ZMAT3: variants seen among roughly 807,000 people sequenced by gnomAD.
ZMAT3 encodes the protein zinc finger matrin-type protein 3.
Under a neutral mutation model 32.3 loss-of-function variants are expected in ZMAT3, and 17 were observed. The ratio of observed to expected loss-of-function variants is 0.53; its 90% CI spans 0.36 to 0.79. The LOEUF (loss-of-function observed/expected upper bound fraction) is 0.79, where lower values mean the gene tolerates loss of function less well. ZMAT3 is among the 30% of genes least tolerant of loss of function. ZMAT3 has a pLI of 0.00. For missense variants in ZMAT3, 329 were observed against 359.7 expected, an observed-to-expected ratio of 0.91 and a Z score of 0.69; for synonymous variants, 120 against 133.1, an observed-to-expected ratio of 0.90 and a Z score of 0.68.
chr3:179,045,165 A>G (rs886878388), intron 2 of ZMAT3, among the ~76,000 whole-genome samples: 9 of 152,194 alleles, frequency 5.9e-5, no homozygotes, highest in African/African-American at 2.2e-4. Context: ...GAATCCAAAA[A>G]TAAGATTGAG....
chr3:179,052,761 A>G (rs1393607298), intron 2 of ZMAT3, among the ~76,000 whole-genome samples: 2 of 152,220 alleles, frequency 1.3e-5, no homozygotes, highest in African/African-American at 4.8e-5. Context: ...GTGTGGATAA[A>G]GAAAATGTGG....
rs751562461 is a variant in ZMAT3 at position 179,030,900 on chromosome 3, C to T, written c.370G>A (p.Val124Ile). The change falls in exon 3 of 6, where the codon GTT (valine) becomes ATT (isoleucine). Residue 124 changes from valine (V) to isoleucine (I), a missense_variant. By Grantham distance (29) the Val-to-Ile change is conservative. Coordinates refer to ENST00000311417, the MANE Select transcript of ZMAT3 (RefSeq NM_022470.4). ...CTCACCTGCGGAGGGACTGGAACAA[C>T]TGGAGTAGCTGCAGGCTCGACCACA... is the stretch of plus-strand genomic sequence containing the variant. ...SNVVEPAATP[V>I]VPVPPQMGSF... 8.1e-6 allele frequency: 13 copies of T among 1,613,596 alleles called. No individual in the cohort carries two copies. Among genetic ancestry groups the T allele is most frequent in the Non-Finnish European group, 1.0e-5 (12 of 1,179,796 alleles).
intron 2 of ZMAT3, among the ~76,000 whole-genome samples, chr3:179,060,439 C>T (rs556935331): frequency 9.3e-5 from 14 of 151,278 alleles, no homozygotes; most frequent in South Asian, 2.1e-4. Context: ...GTCAGGAGTT[C>T]GACACCAGCC....
At chr3:179,066,561 ACT>A (rs1297920135) in intron 2 of ZMAT3, among the ~76,000 whole-genome samples, 2 of 152,106 alleles carry the variant, frequency 1.3e-5, no homozygotes, top group African/African-American at 4.8e-5. Flanking sequence ...CTTCTACCAT[ACT>A]CTCTTATTAC....
At chr3:179,067,425 A>C in intron 2 of ZMAT3, 58 bp downstream of exon 2, 1 of 1,574,568 alleles carries the variant, frequency 6.4e-7, no homozygotes. Flanking sequence ...ACTGCTAAAT[A>C]GCCAGAGCCC....
At chr3:179,054,940 C>T (rs371822452) in intron 2 of ZMAT3, among the ~76,000 whole-genome samples, 2 of 152,290 alleles carry the variant, frequency 1.3e-5, no homozygotes, top group Admixed American at 1.3e-4. Context: ...CCATGACCCA[C>T]GGCTTCTAAT....
chr3:179,031,134 T>C, intron 2 of ZMAT3, 135 bp from the exon 3 acceptor site: 1 of 690,266 alleles, frequency 1.4e-6, no homozygotes, highest in South Asian at 3.1e-5. Context: ...ATAATTTCCA[T>C]GACAGTATAT....
intron 2 of ZMAT3, among the ~76,000 whole-genome samples, chr3:179,049,984 T>C: frequency 1.2e-5 from 1 of 82,286 alleles, no homozygotes; most frequent in African/African-American, 5.2e-5. Flanking sequence ...AGAGCAAGAC[T>C]CCGTCTCAAA....
At position 179,067,704 on chromosome 3, in the gene ZMAT3, G is replaced by T. The variant is rs1472162988; in HGVS notation, c.49C>A (p.Pro17Thr). 6.2e-7 allele frequency: 1 copy of T among 1,614,180 alleles called. No homozygotes were observed. ...AVLPPPKQPS[P>T]SPPMSVATRS... is the part of the protein sequence containing the mutation. ...GTGGCCACTGACATAGGAGGCGAGG[G>T]TGAGGGCTGCTTAGGTGGAGGAAGC... The change falls in exon 2 of 6, where the codon CCC (proline) becomes ACC (threonine). Residue 17 changes from proline (P) to threonine (T), a missense_variant. Coordinates refer to ENST00000311417, the MANE Select transcript of ZMAT3 (RefSeq NM_022470.4).
At chr3:179,030,653 CTATT>C (rs570469335) in intron 3 of ZMAT3, among the ~76,000 whole-genome samples, 2 of 152,232 alleles carry the variant, frequency 1.3e-5, no homozygotes, top group Admixed American at 1.3e-4. Flanking sequence ...CGCACCTGGC[CTATT>C]TAGCCCAGAA....
intron 3 of ZMAT3, among the ~76,000 whole-genome samples, chr3:179,030,399 G>A (rs926120573): frequency 6.9e-6 from 1 of 145,518 alleles, no homozygotes. Context: ...CTGTTGCCCA[G>A]GCTGGAGTGC....
In ZMAT3 at chr3:179,046,691, G is replaced by T. The variant is rs542200792; in HGVS notation, c.271-15692C>A. Reference sequence around the variant, plus strand: ...AGTGGGAGGAAGACCAGCCTTTAGGGCTGGGGGATGCATGGGAGCTGGGTG... The same window carrying T: ...AGTGGGAGGAAGACCAGCCTTTAGGTCTGGGGGATGCATGGGAGCTGGGTG... On this transcript the variant is annotated intron_variant, in intron 2 of 5. Coordinates refer to ENST00000311417, the MANE Select transcript of ZMAT3 (RefSeq NM_022470.4). The surrounding 1 kb of genome is among the most constrained non-coding windows in gnomAD (Gnocchi z 4.3). 6.6e-6 allele frequency among the ~76,000 whole-genome samples: 1 copy of T among 152,278 alleles called. No individual in the cohort carries two copies. The highest frequency in any genetic ancestry group is 2.4e-5 in the African/African-American group (1 of 41,552).
chr3:179,051,368 A>T (rs924857722), intron 2 of ZMAT3, among the ~76,000 whole-genome samples: 1 of 152,222 alleles, frequency 6.6e-6, no homozygotes, highest in African/African-American at 2.4e-5. Flanking sequence ...CCAAGCAGAG[A>T]ATCAAATCAA....
In ZMAT3 at chr3:179,046,384, G is replaced by A. The variant is rs1720236098; in HGVS notation, c.271-15385C>T. ...AAATTTGCAGGGAAAATAGCAGACA[G>A]GAGGCAGGACTAACTAGCAGCTCCC... On this transcript the variant is annotated intron_variant, in intron 2 of 5. Transcript: ENST00000311417. The surrounding 1 kb of genome is among the most constrained non-coding windows in gnomAD (Gnocchi z 4.3). 6.6e-6 allele frequency among the ~76,000 whole-genome samples: 1 copy of A among 152,212 alleles called. No homozygotes were observed. The highest frequency in any genetic ancestry group is 1.5e-5 in the Non-Finnish European group (1 of 68,038).
chr3:179,028,336 T>C (rs1718991939), intron 3 of ZMAT3, among the ~76,000 whole-genome samples: 1 of 152,162 alleles, frequency 6.6e-6, no homozygotes, highest in East Asian at 1.9e-4. Context: ...TCCAGACAAC[T>C]GTAGTCAGGT....
At position 179,018,354 on chromosome 3, in the gene ZMAT3, C is replaced by A. The variant is rs986282634; in HGVS notation, c.*6663G>T. 2.0e-5 allele frequency: 3 copies of A among 151,984 alleles called. No homozygotes were observed. In the East Asian group the frequency reaches 5.8e-4, roughly 29 times the overall value. 9.4% of individuals were successfully genotyped at this position (151,984 alleles called of 1,614,324 possible). On this transcript the variant is annotated 3_prime_UTR_variant, in exon 6 of 6. Coordinates refer to ENST00000311417, the MANE Select transcript of ZMAT3 (RefSeq NM_022470.4). ...CAATAAATGTTGCATTATTAGTATTCAACAGTGCAGCAAGATTTTTAGCAA... is the reference window on the plus strand; with the variant it reads ...CAATAAATGTTGCATTATTAGTATTAAACAGTGCAGCAAGATTTTTAGCAA...
chr3:179,028,062 T>A (rs1274741516), intron 3 of ZMAT3, among the ~76,000 whole-genome samples: 2 of 152,216 alleles, frequency 1.3e-5, no homozygotes, highest in Non-Finnish European at 2.9e-5. Flanking sequence ...ACTGAAGACA[T>A]TTTTTAAGAG....
At chr3:179,055,443 A>G (rs1164684488) in intron 2 of ZMAT3, among the ~76,000 whole-genome samples, 2 of 152,054 alleles carry the variant, frequency 1.3e-5, no homozygotes, top group Admixed American at 6.6e-5. Flanking sequence ...GCCCTACAGG[A>G]AGCCCTCAGA....
At position 179,020,499 on chromosome 3, in the gene ZMAT3, T is replaced by A. The variant is rs1046647106; in HGVS notation, c.*4518A>T. The stretch of plus-strand genomic sequence containing the variant: ...TGAAACTCCTGTACAATGATTTGGC[T>A]AGAAGAAAAAAATAGTTGGTAAGGT... On this transcript the variant is annotated 3_prime_UTR_variant, in exon 6 of 6. Transcript: ENST00000311417. 7.2e-5 allele frequency: 11 copies of A among 152,194 alleles called. No homozygotes were observed. Among genetic ancestry groups the A allele is most frequent in the African/African-American group, 2.4e-4 (10 of 41,452 alleles). 9.4% of individuals were successfully genotyped at this position (152,194 alleles called of 1,614,324 possible). A position where few individuals can be genotyped will look rare whatever the true frequency, so the allele number is the denominator to read the frequency against.
Sources: allele counts gnomAD v4.1 joint callset (sites outside exome capture counted in the v4.1 genomes callset), GRCh38; gene constraint gnomAD v4.1.1; non-coding constraint Gnocchi (gnomAD v3.1); transcripts MANE v1.5; gene names NCBI Gene and HGNC (gene_info 2026-07-23, HGNC 2026-07-21).